GLRA3: variants seen among roughly 807,000 people sequenced by gnomAD.
The protein encoded by GLRA3 is glycine receptor subunit alpha-3.
GLRA3 carries 44 observed loss-of-function variants against 60.4 expected under a neutral mutation model. The ratio of observed to expected loss-of-function variants is 0.73; its 90% CI spans 0.57 to 0.94. GLRA3 has a LOEUF of 0.94. GLRA3 is among the 40% of genes least tolerant of loss of function. The pLI is 0.00. For synonymous variants in GLRA3, 223 were observed against 192.9 expected (o/e 1.16, Z -1.29); for missense variants, 508 against 564.6 (o/e 0.90, Z 1.02).
Position 174,639,577 on chromosome 4 carries a change from C to T in GLRA3, c.*4209G>A, listed in dbSNP as rs962047021. 1 of 152,016 alleles carries T rather than the reference C, an allele frequency of 6.6e-6. No individual in the cohort carries two copies. The highest frequency in any genetic ancestry group is 2.4e-5 in the African/African-American group (1 of 41,396). The allele number at this position is 152,016 out of a possible 1,614,324, so 9.4% of individuals were successfully genotyped here. A position where few individuals can be genotyped will look rare whatever the true frequency, so the allele number is the denominator to read the frequency against. Reference sequence around the variant, plus strand: ...AGGATATTTTTCCCTGCCCTAGTTCCGTTTAAATTGTAGAGAGTTATATTT... The same window carrying T: ...AGGATATTTTTCCCTGCCCTAGTTCTGTTTAAATTGTAGAGAGTTATATTT... On this transcript the variant is annotated 3_prime_UTR_variant, in exon 10 of 10. Transcript: ENST00000274093.
chr4:174,707,374 A>G (rs1170653165), intron 5 of GLRA3, among the ~76,000 whole-genome samples: 1 of 152,224 alleles, frequency 6.6e-6, no homozygotes, highest in Non-Finnish European at 1.5e-5. Flanking sequence ...CAGTGAACCA[A>G]TTTAGTAAAC....
chr4:174,766,922 AT>A, intron 3 of GLRA3, 40 bp downstream of exon 3: 1 of 991,394 alleles, frequency 1.0e-6, no homozygotes. Flanking sequence ...GTAATTACAG[AT>A]TACTCTAGTG....
chr4:174,692,621 T>G (rs1054943661), intron 5 of GLRA3, among the ~76,000 whole-genome samples: 1 of 151,284 alleles, frequency 6.6e-6, no homozygotes, highest in Non-Finnish European at 1.5e-5. Flanking sequence ...CTTGTGATCC[T>G]GTTGATCTGT....
intron 3 of GLRA3, among the ~76,000 whole-genome samples, chr4:174,734,295 C>A (rs1262207338): frequency 3.9e-5 from 6 of 152,182 alleles, no homozygotes; most frequent in Admixed American, 3.9e-4. Context: ...CGTCAGGAAG[C>A]ACAGAATACC....
chr4:174,795,030 T>C (rs1739505717), intron 1 of GLRA3, among the ~76,000 whole-genome samples: 1 of 150,590 alleles, frequency 6.6e-6, no homozygotes. Flanking sequence ...AATAAATAAA[T>C]AATTATATAT....
chr4:174,725,875 G>A (rs543318185), intron 4 of GLRA3, among the ~76,000 whole-genome samples: 2 of 152,294 alleles, frequency 1.3e-5, no homozygotes, highest in African/African-American at 2.4e-5. Context: ...CTGGTTCTTT[G>A]TATGATGAAT....
intron 1 of GLRA3, among the ~76,000 whole-genome samples, chr4:174,792,918 G>A (rs952403804): frequency 4.6e-5 from 7 of 152,050 alleles, no homozygotes; most frequent in African/African-American, 1.7e-4. Flanking sequence ...CTGTAATTTG[G>A]GGCTATTGGT....
chr4:174,807,583 T>C (rs1740100885), intron 1 of GLRA3, among the ~76,000 whole-genome samples: 1 of 152,136 alleles, frequency 6.6e-6, no homozygotes, highest in Admixed American at 6.6e-5. Flanking sequence ...TAGAGAATTG[T>C]CTAGACCTAT....
chr4:174,666,317 G>C (rs11937740), intron 7 of GLRA3, among the ~76,000 whole-genome samples: 3 of 151,950 alleles, frequency 2.0e-5, no homozygotes, highest in African/African-American at 7.2e-5. Flanking sequence ...AGTAGACAAC[G>C]TATGAAAAGA....
chr4:174,743,297 A>G (rs1737096079), intron 3 of GLRA3, among the ~76,000 whole-genome samples: 1 of 152,162 alleles, frequency 6.6e-6, no homozygotes, highest in Non-Finnish European at 1.5e-5. Flanking sequence ...ATCCTCTAAT[A>G]TCCCTTTTTT....
At chr4:174,769,615 G>A (rs1361011216) in intron 2 of GLRA3, among the ~76,000 whole-genome samples, 2 of 152,020 alleles carry the variant, frequency 1.3e-5, no homozygotes, top group Non-Finnish European at 2.9e-5. Context: ...CTGGTTCAAA[G>A]CAATCGTTCT....
chr4:174,736,968 G>C (rs1307052756), intron 3 of GLRA3, among the ~76,000 whole-genome samples: 1 of 152,114 alleles, frequency 6.6e-6, no homozygotes, highest in Non-Finnish European at 1.5e-5. Flanking sequence ...TGTATATAAA[G>C]TTTCAGGATC....
intron 3 of GLRA3, among the ~76,000 whole-genome samples, chr4:174,732,913 C>G (rs1446471789): frequency 6.6e-6 from 1 of 151,974 alleles, no homozygotes; most frequent in Admixed American, 6.6e-5. Context: ...TAGGGAAATG[C>G]TGGGGAATGA....
intron 3 of GLRA3, among the ~76,000 whole-genome samples, chr4:174,765,791 T>C (rs190433173): frequency 1.2e-4 from 18 of 152,160 alleles, no homozygotes; most frequent in Middle Eastern, 3.4e-3. Flanking sequence ...TTAACTTAGA[T>C]TGTATCATAT....
At chr4:174,766,671 T>C (rs1264768424) in intron 3 of GLRA3, among the ~76,000 whole-genome samples, 1 of 152,068 alleles carries the variant, frequency 6.6e-6, no homozygotes, top group East Asian at 1.9e-4. Context: ...TATTAAAGAT[T>C]ATTGGAAAAA....
chr4:174,772,814 C>G (rs1738444711), intron 2 of GLRA3, among the ~76,000 whole-genome samples: 1 of 152,076 alleles, frequency 6.6e-6, no homozygotes, highest in Admixed American at 6.6e-5. Flanking sequence ...ACAGAAAAAA[C>G]AGAAATTTAT....
At position 174,642,889 on chromosome 4, in the gene GLRA3, A is replaced by G; in HGVS notation, c.*897T>C. The G allele has an allele frequency of 1.4e-6, 1 of 724,458 alleles. No individual in the cohort carries two copies. The highest frequency in any genetic ancestry group is 1.7e-6 in the Non-Finnish European group (1 of 592,262). The allele number at this position is 724,458 out of a possible 1,614,324, so 44.9% of individuals were successfully genotyped here. On this transcript the variant is annotated 3_prime_UTR_variant, in exon 10 of 10. Transcript: ENST00000274093. ...TAATCCCATTGAATTTTAAAGTCAC[A>G]TTCTAAACTAAAATATAAAAGTCTT...
chr4:174,643,636 A>C lies in GLRA3; in HGVS notation c.*150T>G, dbSNP rs929256739. 4.7e-5 allele frequency: 66 copies of C among 1,395,242 alleles called. No individual in the cohort carries two copies. The East Asian group carries it at 1.6e-3, about 34-fold the overall frequency. The allele number at this position is 1,395,242 out of a possible 1,614,324, so 86.4% of individuals were successfully genotyped here. ...AATCTCATCTTTCTCATGACTTTGCATAGCTAACCAAAATACAAAGCTTTT... is the reference window on the plus strand; with the variant it reads ...AATCTCATCTTTCTCATGACTTTGCCTAGCTAACCAAAATACAAAGCTTTT... On this transcript the variant is annotated 3_prime_UTR_variant, in exon 10 of 10. Transcript: ENST00000274093.
chr4:174,714,420 G>T (rs555089391), intron 5 of GLRA3, among the ~76,000 whole-genome samples: 2 of 152,156 alleles, frequency 1.3e-5, no homozygotes, highest in Admixed American at 6.5e-5. Context: ...TCTCATTTAC[G>T]TTAGTACTTT....
Sources: gnomAD v4.1 joint callset for allele counts (sites outside exome capture counted in the v4.1 genomes callset) on GRCh38, gnomAD v4.1.1 for gene constraint, MANE v1.5 for transcripts, NCBI Gene and HGNC (gene_info 2026-07-23, HGNC 2026-07-21) for gene names.